Variants in DIAPH3 observed in about 807,000 individuals in gnomAD.
DIAPH3 encodes diaphanous related formin 3, also known as protein diaphanous homolog 3.
DIAPH3 carries 117 observed loss-of-function variants against 144.3 expected under a neutral mutation model. That is an observed-to-expected ratio of 0.81 (90% confidence interval 0.70 to 0.95). DIAPH3 has a LOEUF of 0.95. DIAPH3 is among the 40% of genes least tolerant of loss of function. DIAPH3 has a pLI of 0.00. For synonymous variants in DIAPH3, 519 were observed against 488.9 expected (o/e 1.06, Z -0.81); for missense variants, 1,421 against 1,412.7 (o/e 1.01, Z -0.09).
Position 59,819,881 on chromosome 13 carries a change from G to C in DIAPH3, c.3028-8958C>G, listed in dbSNP as rs142557288. ...AATAACCACCTAGCACTAAATAGCT[G>C]TGTGACTATGCCTCAGTTTCCTCTA... On this transcript the variant is annotated intron_variant, in intron 24 of 27. Transcript: ENST00000400324. Among the ~76,000 whole-genome samples, 473 of 151,960 alleles carry C rather than the reference G, an allele frequency of 3.1e-3. 4 individuals are homozygous for C. The highest frequency in any genetic ancestry group is 0.011 in the African/African-American group (454 of 41,526).
At chr13:59,850,279 A>G (rs1303993997) in intron 22 of DIAPH3, among the ~76,000 whole-genome samples, 2 of 149,952 alleles carry the variant, frequency 1.3e-5, no homozygotes, top group Non-Finnish European at 3.0e-5. Context: ...GGACAATTTG[A>G]CTTCCTCTTT....
chr13:60,014,179 G>C (rs2053473774), intron 7 of DIAPH3, among the ~76,000 whole-genome samples: 1 of 151,904 alleles, frequency 6.6e-6, no homozygotes, highest in Non-Finnish European at 1.5e-5. Context: ...AAAGTTCCTA[G>C]ATTTTTTCTA....
intron 18 of DIAPH3, among the ~76,000 whole-genome samples, chr13:59,919,280 C>T (rs956052489): frequency 5.3e-5 from 8 of 151,938 alleles, no homozygotes; most frequent in Non-Finnish European, 7.4e-5. Flanking sequence ...ACTTTCCAAA[C>T]CTGCAAAAAG....
chr13:59,764,320 G>A (rs2037765732), intron 27 of DIAPH3, among the ~76,000 whole-genome samples: 2 of 151,648 alleles, frequency 1.3e-5, no homozygotes, highest in African/African-American at 4.8e-5. Flanking sequence ...CTGTCTAGAT[G>A]GTGGCTGAAC....
intron 27 of DIAPH3, among the ~76,000 whole-genome samples, chr13:59,709,320 G>C (rs1033624432): frequency 5.9e-5 from 9 of 151,940 alleles, no homozygotes; most frequent in Non-Finnish European, 1.5e-5. Flanking sequence ...CTACAAAATG[G>C]GAGAAAATTT....
intron 19 of DIAPH3, among the ~76,000 whole-genome samples, chr13:59,912,773 C>CTA (rs2047055239): frequency 6.6e-6 from 1 of 151,992 alleles, no homozygotes; most frequent in South Asian, 2.1e-4. Context: ...CTAGATCATG[C>CTA]TATATATATT....
chr13:60,094,722 C>T (rs1300087066), intron 3 of DIAPH3, among the ~76,000 whole-genome samples: 2 of 152,158 alleles, frequency 1.3e-5, no homozygotes, highest in East Asian at 1.9e-4. Flanking sequence ...ATTCATCAAA[C>T]GCTGTAGTTT....
At chr13:59,916,330 A>T in intron 18 of DIAPH3, 81 bp from the exon 19 acceptor site, 3 of 1,062,008 alleles carry the variant, frequency 2.8e-6, no homozygotes, top group Non-Finnish European at 4.3e-6. Flanking sequence ...TTATAAAATC[A>T]AAAATAAATT....
At position 59,835,578 on chromosome 13, in the gene DIAPH3, T is replaced by C. The variant is rs151202450; in HGVS notation, c.2863-2307A>G. Among the ~76,000 whole-genome samples, 851 of 151,834 alleles carry C rather than the reference T, an allele frequency of 5.6e-3. 12 individuals are homozygous for C. Among genetic ancestry groups the C allele is most frequent in the African/African-American group, 0.019 (805 of 41,494 alleles). On this transcript the variant is annotated intron_variant, in intron 23 of 27. Transcript: ENST00000400324. ...AGAGAATTAAGAACAGCACATTTAA[T>C]GCTAGTTTTAAAAGTCTGCTAAGAA...
intron 3 of DIAPH3, among the ~76,000 whole-genome samples, chr13:60,110,054 G>C (rs1189604642): frequency 6.6e-6 from 1 of 152,188 alleles, no homozygotes; most frequent in Non-Finnish European, 1.5e-5. Context: ...CAAGTGAAAT[G>C]AGTATGAATG....
Position 59,861,512 on chromosome 13 carries a change from G to C in DIAPH3, c.2632C>G (p.Gln878Glu). ...CKLKDTKSAD[Q>E]KTTLLHFLVE... is the part of the protein sequence containing the mutation. ...AGGAAATGAAGTAGCGTTGTTTTCT[G>C]ATCTGCTGATTTTGTGTCCTTTAGC... is the stretch of plus-strand genomic sequence containing the variant. Residue 878 changes from glutamine (Q) to glutamate (E), a missense_variant, in exon 22 of 28, where the codon CAG (glutamine) becomes GAG (glutamate). Coordinates refer to ENST00000400324, the MANE Select transcript of DIAPH3 (RefSeq NM_001042517.2). 6.2e-7 allele frequency: 1 copy of C among 1,613,718 alleles called. No individual in the cohort carries two copies. The highest frequency in any genetic ancestry group is 1.7e-5 in the Admixed American group (1 of 60,014).
intron 3 of DIAPH3, among the ~76,000 whole-genome samples, chr13:60,106,300 TA>T (rs1359768463): frequency 6.6e-6 from 1 of 152,106 alleles, no homozygotes; most frequent in Non-Finnish European, 1.5e-5. Context: ...ACTTGATCTA[TA>T]ACATTAGAGA....
At chr13:60,042,894 TC>T in intron 4 of DIAPH3, 74 bp from the exon 5 acceptor site, 1 of 1,529,176 alleles carries the variant, frequency 6.5e-7, no homozygotes, top group Non-Finnish European at 9.0e-7. Context: ...CAAGTTAATC[TC>T]CCTAACAGCA....
intron 4 of DIAPH3, among the ~76,000 whole-genome samples, chr13:60,044,043 G>A (rs1226992234): frequency 1.3e-5 from 2 of 152,212 alleles, no homozygotes; most frequent in South Asian, 2.1e-4. Context: ...GGAGGGAACT[G>A]TAGGTTTTAC....
At chr13:60,018,553 C>T (rs2053806867) in intron 5 of DIAPH3, among the ~76,000 whole-genome samples, 1 of 152,124 alleles carries the variant, frequency 6.6e-6, no homozygotes, top group African/African-American at 2.4e-5. Context: ...TAACTCTCTT[C>T]TAAACTACAG....
At chr13:59,944,905 C>A (rs191893465) in intron 17 of DIAPH3, among the ~76,000 whole-genome samples, 1 of 152,104 alleles carries the variant, frequency 6.6e-6, no homozygotes, top group Admixed American at 6.5e-5. Flanking sequence ...AGGCTCATAA[C>A]TGGCCACTAA....
intron 14 of DIAPH3, among the ~76,000 whole-genome samples, chr13:59,980,398 A>T (rs893590079): frequency 4.0e-5 from 6 of 151,598 alleles, no homozygotes; most frequent in Non-Finnish European, 1.5e-5. Context: ...TTGCTCCATC[A>T]TCCACTCATT....
intron 27 of DIAPH3, among the ~76,000 whole-genome samples, chr13:59,725,285 T>G (rs781436227): frequency 2.0e-5 from 3 of 152,186 alleles, no homozygotes; most frequent in Admixed American, 6.5e-5. Context: ...TTGGCAAAAT[T>G]TAGCTGCTAG....
intron 27 of DIAPH3, among the ~76,000 whole-genome samples, chr13:59,718,470 G>A (rs534453091): frequency 5.5e-4 from 83 of 152,148 alleles, no homozygotes; most frequent in Admixed American, 1.8e-3. Flanking sequence ...GAATGTTACC[G>A]GTCTAAATGA....
Sources: allele counts gnomAD v4.1 joint callset (sites outside exome capture counted in the v4.1 genomes callset), GRCh38; gene constraint gnomAD v4.1.1; transcripts MANE v1.5; gene names NCBI Gene and HGNC (gene_info 2026-07-23, HGNC 2026-07-21).